The following USP6NL variants were observed in gnomAD, a reference collection of about 807,000 sequenced individuals.
The protein encoded by USP6NL is USP6 N-terminal like.
In USP6NL, 26 loss-of-function variants were observed where a neutral mutation model predicts 61.9. The observed-to-expected ratio is 0.42, with a 90% CI of 0.31 to 0.58. The LOEUF is 0.58. Ranked by LOEUF, USP6NL falls within the 20% of genes least tolerant of loss-of-function variation. The probability of loss-of-function intolerance (pLI) is 0.16; values close to 1 mark genes in which losing one functional copy is unlikely to be tolerated. For missense variants in USP6NL, 1,114 were observed against 1,034.3 expected (o/e 1.08, Z -1.06); for synonymous variants, 432 against 390.1 (o/e 1.11, Z -1.27).
chr10:11,476,635 A>G lies in USP6NL; in HGVS notation c.1078+5135T>C, dbSNP rs1832977183. On this transcript the variant is annotated intron_variant, in intron 14 of 14. Coordinates refer to ENST00000609104, the MANE Select transcript of USP6NL (RefSeq NM_014688.5). This position sits in a 1 kb window ranked among gnomAD's most constrained non-coding sequence, Gnocchi z 4.3. ...TATTTTTGATAGTTTTCATAAGTAA[A>G]ATAAAAGATGCCAAACCCACACACA... Among the ~76,000 whole-genome samples, 1 of 152,214 alleles carries G rather than the reference A, an allele frequency of 6.6e-6. No individual in the cohort carries two copies.
chr10:11,475,114 A>G (rs886163475), intron 14 of USP6NL, among the ~76,000 whole-genome samples: 1 of 152,228 alleles, frequency 6.6e-6, no homozygotes, highest in African/African-American at 2.4e-5. Flanking sequence ...GTTAATTGAC[A>G]AAAGTGCTGC....
intron 6 of USP6NL, among the ~76,000 whole-genome samples, chr10:11,501,563 T>C (rs1236458818): frequency 1.3e-5 from 2 of 152,200 alleles, no homozygotes; most frequent in Non-Finnish European, 2.9e-5. Context: ...ATTAACTTCT[T>C]ACACACTTTC....
intron 1 of USP6NL, among the ~76,000 whole-genome samples, chr10:11,609,292 C>G (rs925023670): frequency 4.6e-5 from 7 of 152,114 alleles, no homozygotes; most frequent in South Asian, 4.1e-4. Context: ...GTCTTGAACC[C>G]CTGACCTCAA....
chr10:11,589,710 A>G lies in USP6NL; in HGVS notation c.4+7921T>C, dbSNP rs1000569258. On this transcript the variant is annotated intron_variant, in intron 2 of 14. Coordinates refer to ENST00000609104, the MANE Select transcript of USP6NL (RefSeq NM_014688.5). This position sits in a 1 kb window ranked among gnomAD's most constrained non-coding sequence, Gnocchi z 4.7. The stretch of plus-strand genomic sequence containing the variant: ...TTTCTATTCCACTCTTCTAACATCT[A>G]AAACAGGCAACTGTATTTTTAAAAA... Among the ~76,000 whole-genome samples the G allele has an allele frequency of 1.3e-5, 2 of 152,228 alleles. No individual in the cohort carries two copies. The highest frequency in any genetic ancestry group is 4.8e-5 in the African/African-American group (2 of 41,458).
At chr10:11,556,190 G>A (rs1369943475) in intron 2 of USP6NL, among the ~76,000 whole-genome samples, 1 of 152,066 alleles carries the variant, frequency 6.6e-6, no homozygotes, top group Non-Finnish European at 1.5e-5. Context: ...CTACCTTGAG[G>A]TTCTTATATT....
chr10:11,486,457 G>T (rs1048471313), intron 10 of USP6NL, among the ~76,000 whole-genome samples: 15 of 151,850 alleles, frequency 9.9e-5, no homozygotes, highest in African/African-American at 3.6e-4. Context: ...ATCCAAAATG[G>T]TATTTTATCC....
In USP6NL at chr10:11,540,852, T is replaced by C. The variant is rs536052549; in HGVS notation, c.5-13285A>G. Among the ~76,000 whole-genome samples the C allele has an allele frequency of 6.6e-6, 1 of 152,188 alleles. No homozygotes were observed. Among genetic ancestry groups the C allele is most frequent in the Non-Finnish European group, 1.5e-5 (1 of 68,020 alleles). ...AACTATGTTATCATCCTTTGAGTTA[T>C]GTAAGTATTACTGGGTCCCTGAATG... On this transcript the variant is annotated intron_variant, in intron 2 of 14. Coordinates refer to ENST00000609104, the MANE Select transcript of USP6NL (RefSeq NM_014688.5). The surrounding 1 kb of genome is among the most constrained non-coding windows in gnomAD (Gnocchi z 5.0).
intron 6 of USP6NL, among the ~76,000 whole-genome samples, chr10:11,507,733 T>C (rs1455275880): frequency 6.6e-6 from 1 of 152,176 alleles, no homozygotes; most frequent in Non-Finnish European, 1.5e-5. Context: ...CAGAGAGCCC[T>C]TTCCTCATTT....
intron 1 of USP6NL, among the ~76,000 whole-genome samples, chr10:11,609,265 G>A (rs1838802498): frequency 6.6e-6 from 1 of 152,054 alleles, no homozygotes; most frequent in African/African-American, 2.4e-5. Flanking sequence ...GGGGGTTTCA[G>A]CATGTTAGCC....
intron 2 of USP6NL, chr10:11,564,649 A>G (rs574295029): frequency 6.6e-6 from 1 of 152,332 alleles, no homozygotes; most frequent in African/African-American, 2.4e-5. Flanking sequence ...TAATAAGTAA[A>G]GACATATTCA....
rs573716577 is a variant in USP6NL, at chr10:11,489,094, T to A, written c.664+8A>T. 2.2e-5 allele frequency: 35 copies of A among 1,613,518 alleles called. No individual in the cohort carries two copies. In the South Asian group the frequency reaches 3.3e-4, roughly 15 times the overall value. On this transcript the variant is annotated splice_region_variant and intron_variant, in intron 10 of 14. Transcript: ENST00000609104. This position sits in a 1 kb window ranked among gnomAD's most constrained non-coding sequence, Gnocchi z 5.7. ...TGATTGTTTAGATAAAGCACAGGGT[T>A]TTCTTACCATGCATGGCATGTTTAG...
chr10:11,590,517 G>A (rs1215444872), intron 2 of USP6NL, among the ~76,000 whole-genome samples: 1 of 152,048 alleles, frequency 6.6e-6, no homozygotes, highest in Non-Finnish European at 1.5e-5. Context: ...TTACTAAGCG[G>A]TGCTTTCCAC....
At position 11,585,490 on chromosome 10, in the gene USP6NL, G is replaced by A. The variant is rs1002875888; in HGVS notation, c.4+12141C>T. On this transcript the variant is annotated intron_variant, in intron 2 of 14. Coordinates refer to ENST00000609104, the MANE Select transcript of USP6NL (RefSeq NM_014688.5). This position sits in a 1 kb window ranked among gnomAD's most constrained non-coding sequence, Gnocchi z 4.5. ...ATCCTGGCTAACACAGTGAAACCCC[G>A]TGTCTACTAAAAATACAAAAAATTA... Among the ~76,000 whole-genome samples, 1 of 151,910 alleles carries A rather than the reference G, an allele frequency of 6.6e-6. No individual in the cohort carries two copies. The highest frequency in any genetic ancestry group is 2.4e-5 in the African/African-American group (1 of 41,332).
Position 11,513,382 on chromosome 10 carries a change from C to G in USP6NL, c.196-3707G>C, listed in dbSNP as rs1315311638. ...CGGGTAACACTTTTCAAAGTGTTGC[C>G]AAAAGGCAGAGCTGCTGATGTTAAC... On this transcript the variant is annotated intron_variant, in intron 5 of 14. Transcript: ENST00000609104. The surrounding 1 kb of genome is among the most constrained non-coding windows in gnomAD (Gnocchi z 4.7). Among the ~76,000 whole-genome samples, 1 of 152,102 alleles carries G rather than the reference C, an allele frequency of 6.6e-6. No individual in the cohort carries two copies. The highest frequency in any genetic ancestry group is 2.4e-5 in the African/African-American group (1 of 41,396).
intron 2 of USP6NL, among the ~76,000 whole-genome samples, chr10:11,557,505 G>A (rs755370979): frequency 9.2e-5 from 14 of 152,204 alleles, no homozygotes; most frequent in African/African-American, 7.2e-5. Context: ...AAGATGCCAT[G>A]ATTTTAAATG....
intron 10 of USP6NL, among the ~76,000 whole-genome samples, chr10:11,486,823 T>C (rs1381622047): frequency 6.6e-6 from 1 of 152,214 alleles, no homozygotes; most frequent in Non-Finnish European, 1.5e-5. Context: ...CCCACACTTA[T>C]GTGATCTTGG....
chr10:11,495,145 G>A lies in USP6NL; in HGVS notation c.385-1917C>T, dbSNP rs1487995560. Among the ~76,000 whole-genome samples, 1 of 152,210 alleles carries A rather than the reference G, an allele frequency of 6.6e-6. No homozygotes were observed. The highest frequency in any genetic ancestry group is 1.5e-5 in the Non-Finnish European group (1 of 68,038). ...AGGAGCCCTCTGGTGGCCCTGTCCGGGCATAACAGAAGGTTCGCACTCTTG... is the reference window on the plus strand; with the variant it reads ...AGGAGCCCTCTGGTGGCCCTGTCCGAGCATAACAGAAGGTTCGCACTCTTG... On this transcript the variant is annotated intron_variant, in intron 7 of 14. Coordinates refer to ENST00000609104, the MANE Select transcript of USP6NL (RefSeq NM_014688.5). This position sits in a 1 kb window ranked among gnomAD's most constrained non-coding sequence, Gnocchi z 4.6.
chr10:11,581,468 C>CT (rs991039045), intron 2 of USP6NL, among the ~76,000 whole-genome samples: 1 of 152,182 alleles, frequency 6.6e-6, no homozygotes, highest in African/African-American at 2.4e-5. Flanking sequence ...ATGATTCAGA[C>CT]TTTTTTTAAC....
chr10:11,599,728 C>CTTTT (rs1167014471), intron 1 of USP6NL, among the ~76,000 whole-genome samples: 4 of 135,730 alleles, frequency 2.9e-5, no homozygotes, highest in Admixed American at 7.4e-5. Context: ...CTCCAACCTA[C>CTTTT]TTTTTTTTTT....
Sources: gnomAD v4.1 joint callset for allele counts (sites outside exome capture counted in the v4.1 genomes callset) on GRCh38, gnomAD v4.1.1 for gene constraint, Gnocchi (gnomAD v3.1) non-coding constraint, MANE v1.5 for transcripts, NCBI Gene and HGNC (gene_info 2026-07-23, HGNC 2026-07-21) for gene names.